Variants in ALCAM observed in about 807,000 individuals in gnomAD.
The protein encoded by ALCAM is CD166 antigen.
In ALCAM, 30 loss-of-function variants were observed where a neutral mutation model predicts 70.9. That is an observed-to-expected ratio of 0.42 (90% CI 0.32 to 0.57). The LOEUF (loss-of-function observed/expected upper bound fraction) is 0.57. Ranked by LOEUF, ALCAM falls within the 20% of genes least tolerant of loss-of-function variation. The pLI, the probability that ALCAM is intolerant of heterozygous loss-of-function variation, is 0.11. For synonymous variants in ALCAM, 249 were observed against 242.5 expected, an observed-to-expected ratio of 1.03 and a Z score of -0.25; for missense variants, 591 against 695.1, an observed-to-expected ratio of 0.85 and a Z score of 1.68.
intron 14 of ALCAM, among the ~76,000 whole-genome samples, chr3:105,554,705 A>G (rs1458335982): frequency 6.6e-6 from 1 of 151,982 alleles, no homozygotes; most frequent in Non-Finnish European, 1.5e-5. Flanking sequence ...GTGAAAGGAA[A>G]AGCAAACAGT....
In ALCAM at chr3:105,422,202, T is replaced by A. The variant is rs565413834; in HGVS notation, c.73+54721T>A. Among the ~76,000 whole-genome samples the A allele has an allele frequency of 4.9e-4, 74 of 151,508 alleles. No homozygotes were observed. The South Asian group carries it at 0.015, about 31-fold the overall frequency. Reference sequence around the variant, plus strand: ...CTTTCTGTGGGTGAGTAATATTCCATAGTATATATATACCACATTTCCTTT... The same window carrying A: ...CTTTCTGTGGGTGAGTAATATTCCAAAGTATATATATACCACATTTCCTTT... On this transcript the variant is annotated intron_variant, in intron 1 of 15. Transcript: ENST00000306107.
chr3:105,376,334 A>C (rs1300640174), intron 1 of ALCAM, among the ~76,000 whole-genome samples: 3 of 152,200 alleles, frequency 2.0e-5, no homozygotes, highest in African/African-American at 7.2e-5. Flanking sequence ...ATTCCTAGTG[A>C]CATGTTTTCA....
At chr3:105,503,208 T>C (rs970647483) in intron 1 of ALCAM, among the ~76,000 whole-genome samples, 1 of 152,206 alleles carries the variant, frequency 6.6e-6, no homozygotes, top group Non-Finnish European at 1.5e-5. Flanking sequence ...AGAGTTAATA[T>C]TTGCTTTGGA....
At chr3:105,495,708 A>G (rs973517973) in intron 1 of ALCAM, among the ~76,000 whole-genome samples, 1 of 152,182 alleles carries the variant, frequency 6.6e-6, no homozygotes. Flanking sequence ...AAATTAGCAA[A>G]CAAGATCAAA....
chr3:105,401,034 T>C (rs1936076703), intron 1 of ALCAM, among the ~76,000 whole-genome samples: 1 of 152,222 alleles, frequency 6.6e-6, no homozygotes, highest in Non-Finnish European at 1.5e-5. Flanking sequence ...AACTGTATTA[T>C]AAAGGAAAAG....
chr3:105,468,612 G>C (rs1937819580), intron 1 of ALCAM, among the ~76,000 whole-genome samples: 1 of 151,228 alleles, frequency 6.6e-6, no homozygotes, highest in Admixed American at 6.6e-5. Context: ...AAGGTTGCTG[G>C]TATAATGTAC....
intron 1 of ALCAM, among the ~76,000 whole-genome samples, chr3:105,421,643 A>G (rs970323290): frequency 2.6e-5 from 4 of 151,478 alleles, no homozygotes; most frequent in Non-Finnish European, 4.4e-5. Flanking sequence ...TAGGTTCCAC[A>G]GCTGTGACCA....
intron 7 of ALCAM, 24 bp downstream of exon 7, chr3:105,540,126 G>A: frequency 6.2e-7 from 1 of 1,600,992 alleles, no homozygotes; most frequent in Non-Finnish European, 8.5e-7. Flanking sequence ...TATTACTTCA[G>A]TTGGATGACT....
At chr3:105,394,393 T>G (rs4894924) in intron 1 of ALCAM, among the ~76,000 whole-genome samples, 3 of 151,572 alleles carry the variant, frequency 2.0e-5, no homozygotes, top group Non-Finnish European at 1.5e-5. Flanking sequence ...AAACACGTCA[T>G]GATCTGGAAA....
At chr3:105,556,669 C>T (rs1406028171) in intron 14 of ALCAM, among the ~76,000 whole-genome samples, 1 of 151,868 alleles carries the variant, frequency 6.6e-6, no homozygotes, top group Non-Finnish European at 1.5e-5. Flanking sequence ...GTTAATTAAG[C>T]CTTTCTAGAA....
intron 1 of ALCAM, among the ~76,000 whole-genome samples, chr3:105,482,663 A>G (rs75138709): frequency 1.2e-3 from 181 of 152,274 alleles, no homozygotes; most frequent in African/African-American, 4.2e-3. Context: ...AGCTTATCCT[A>G]TAGCTTTTGA....
intron 1 of ALCAM, among the ~76,000 whole-genome samples, chr3:105,501,075 G>A (rs1477714225): frequency 1.3e-5 from 2 of 152,188 alleles, no homozygotes; most frequent in African/African-American, 2.4e-5. Flanking sequence ...TGGCATGTTA[G>A]TGGCAAACTG....
chr3:105,487,646 C>G (rs1938469767), intron 1 of ALCAM, among the ~76,000 whole-genome samples: 1 of 152,130 alleles, frequency 6.6e-6, no homozygotes, highest in Non-Finnish European at 1.5e-5. Flanking sequence ...TTATATTCTC[C>G]TAGCAATTAT....
intron 6 of ALCAM, among the ~76,000 whole-genome samples, chr3:105,535,855 C>T (rs1939956005): frequency 6.6e-6 from 1 of 152,150 alleles, no homozygotes; most frequent in African/African-American, 2.4e-5. Context: ...GGAATGCCTG[C>T]TGAGCCTTTC....
intron 1 of ALCAM, among the ~76,000 whole-genome samples, chr3:105,460,120 T>C (rs1002273389): frequency 9.9e-5 from 15 of 152,068 alleles, no homozygotes; most frequent in Non-Finnish European, 1.9e-4. Flanking sequence ...ATAGTCTCTC[T>C]GGTATGACTA....
At chr3:105,460,906 T>C (rs1937592537) in intron 1 of ALCAM, among the ~76,000 whole-genome samples, 2 of 151,456 alleles carry the variant, frequency 1.3e-5, no homozygotes, top group South Asian at 4.2e-4. Flanking sequence ...AATTTAGATA[T>C]ATGTTTTCAA....
At chr3:105,438,926 G>T (rs2152581857) in intron 1 of ALCAM, among the ~76,000 whole-genome samples, 1 of 152,134 alleles carries the variant, frequency 6.6e-6, no homozygotes, top group South Asian at 2.1e-4. Context: ...AGAGAGGGAA[G>T]GAAGAAAGAA....
intron 8 of ALCAM, among the ~76,000 whole-genome samples, chr3:105,544,382 AC>A (rs1164837500): frequency 6.8e-6 from 1 of 147,904 alleles, no homozygotes; most frequent in Non-Finnish European, 1.5e-5. Flanking sequence ...CTGCTTTGAA[AC>A]CCAGTTTGGC....
intron 14 of ALCAM, among the ~76,000 whole-genome samples, chr3:105,569,328 G>A (rs950765347): frequency 2.6e-5 from 4 of 152,000 alleles, no homozygotes; most frequent in Non-Finnish European, 4.4e-5. Context: ...GAGGAGAGAA[G>A]AGATTTTGGG....
Sources: gnomAD v4.1 joint callset for allele counts (sites outside exome capture counted in the v4.1 genomes callset) on GRCh38, gnomAD v4.1.1 for gene constraint, MANE v1.5 for transcripts, NCBI Gene and HGNC (gene_info 2026-07-23, HGNC 2026-07-21) for gene names.